UNC5C: variants seen among roughly 807,000 people sequenced by gnomAD.
UNC5C encodes netrin receptor UNC5C.
In UNC5C, 47 loss-of-function variants were observed where a neutral mutation model predicts 99.8. That is an observed-to-expected ratio of 0.47 (90% CI 0.37 to 0.60). The LOEUF is 0.60. Ranked by LOEUF, UNC5C falls within the 20% of genes least tolerant of loss-of-function variation. The pLI is 0.00. For missense variants in UNC5C, 1,062 were observed against 1,165.9 expected, an observed-to-expected ratio of 0.91 and a Z score of 1.30; for synonymous variants, 487 against 452.2, an observed-to-expected ratio of 1.08 and a Z score of -0.98.
At chr4:95,191,021 G>A (rs1019579440) in intron 12 of UNC5C, among the ~76,000 whole-genome samples, 3 of 152,186 alleles carry the variant, frequency 2.0e-5, no homozygotes, top group African/African-American at 7.2e-5. Flanking sequence ...AATCCAGGCT[G>A]TTTTAAAGGC....
chr4:95,260,767 T>A (rs1051422522), intron 4 of UNC5C, among the ~76,000 whole-genome samples: 6 of 152,032 alleles, frequency 3.9e-5, no homozygotes, highest in Middle Eastern at 3.2e-3. Flanking sequence ...AAGAAGAACA[T>A]TTTCCTTGTG....
At chr4:95,303,339 T>C (rs1741942518) in intron 2 of UNC5C, among the ~76,000 whole-genome samples, 1 of 152,200 alleles carries the variant, frequency 6.6e-6, no homozygotes, top group African/African-American at 2.4e-5. Flanking sequence ...GTAATCCCAA[T>C]GCATGCTGAG....
chr4:95,182,842 T>C, intron 14 of UNC5C, 55 bp downstream of exon 14: 1 of 1,556,252 alleles, frequency 6.4e-7, no homozygotes, highest in Non-Finnish European at 8.8e-7. Flanking sequence ...CCACACACTC[T>C]GTCTTCCTGA....
At chr4:95,545,904 A>T (rs1578220282) in intron 1 of UNC5C, among the ~76,000 whole-genome samples, 2 of 152,344 alleles carry the variant, frequency 1.3e-5, no homozygotes, top group African/African-American at 4.8e-5. Context: ...GCATAGCCAG[A>T]AAGGAGAAAG....
intron 1 of UNC5C, among the ~76,000 whole-genome samples, chr4:95,403,715 C>T (rs975263692): frequency 1.3e-5 from 2 of 152,174 alleles, no homozygotes; most frequent in Non-Finnish European, 2.9e-5. Context: ...CACAGTTCTT[C>T]GGTGCTCTGT....
chr4:95,516,156 G>A (rs562975098), intron 1 of UNC5C, among the ~76,000 whole-genome samples: 8 of 152,108 alleles, frequency 5.3e-5, no homozygotes, highest in Admixed American at 5.2e-4. Context: ...TTTTCAGATT[G>A]AATCCTTAAA....
intron 1 of UNC5C, among the ~76,000 whole-genome samples, chr4:95,492,044 TTGTC>T (rs567651287): frequency 1.1e-4 from 16 of 151,398 alleles, no homozygotes; most frequent in African/African-American, 2.7e-4. Context: ...AAAGCTTGCT[TTGTC>T]TGTGTGTGTG....
chr4:95,338,160 C>T (rs1307258923), intron 1 of UNC5C, among the ~76,000 whole-genome samples: 1 of 152,008 alleles, frequency 6.6e-6, no homozygotes, highest in South Asian at 2.1e-4. Context: ...TCTCCACATA[C>T]AAAAATGAGC....
chr4:95,373,075 T>A (rs1189423933), intron 1 of UNC5C, among the ~76,000 whole-genome samples: 1 of 151,992 alleles, frequency 6.6e-6, no homozygotes, highest in Admixed American at 6.6e-5. Context: ...ACCAACAGAG[T>A]CAAAACCACC....
intron 5 of UNC5C, chr4:95,248,096 T>C (rs1415909219): frequency 6.5e-6 from 1 of 153,052 alleles, no homozygotes. Flanking sequence ...AATGACATTT[T>C]TAAAGCAGCA....
chr4:95,429,526 C>A (rs73838826), intron 1 of UNC5C, among the ~76,000 whole-genome samples: 46 of 152,034 alleles, frequency 3.0e-4, no homozygotes, highest in African/African-American at 1.1e-3. Flanking sequence ...TCAAATCCTC[C>A]CACTTTCAAA....
At position 95,448,278 on chromosome 4, in the gene UNC5C, G is replaced by C. The variant is rs1747180031; in HGVS notation, c.124+100456C>G. 2.7e-5 allele frequency among the ~76,000 whole-genome samples: 4 copies of C among 149,976 alleles called. No individual in the cohort carries two copies. In the South Asian group the frequency reaches 8.6e-4, roughly 32 times the overall value. On this transcript the variant is annotated intron_variant, in intron 1 of 15. Coordinates refer to ENST00000453304, the MANE Select transcript of UNC5C (RefSeq NM_003728.4). ...AGAGAGAGAGAAAGCCTGATTTGTGGACACTGTCTTCTGTGGGAAGAACAA... is the reference window on the plus strand; with the variant it reads ...AGAGAGAGAGAAAGCCTGATTTGTGCACACTGTCTTCTGTGGGAAGAACAA...
chr4:95,486,751 C>T (rs995031054), intron 1 of UNC5C, among the ~76,000 whole-genome samples: 2 of 151,698 alleles, frequency 1.3e-5, no homozygotes, highest in African/African-American at 2.4e-5. Flanking sequence ...TCCACCAAGA[C>T]CCTGGCACCC....
chr4:95,527,088 T>A (rs760852150), intron 1 of UNC5C, among the ~76,000 whole-genome samples: 1 of 152,066 alleles, frequency 6.6e-6, no homozygotes, highest in African/African-American at 2.4e-5. Flanking sequence ...TGAGTTAATA[T>A]ACCCATGCAT....
At chr4:95,540,673 G>A (rs1722896503) in intron 1 of UNC5C, among the ~76,000 whole-genome samples, 1 of 152,118 alleles carries the variant, frequency 6.6e-6, no homozygotes, top group African/African-American at 2.4e-5. Flanking sequence ...GTGTATATTT[G>A]CCAAACACTT....
At chr4:95,506,241 T>G (rs1292287854) in intron 1 of UNC5C, among the ~76,000 whole-genome samples, 1 of 152,022 alleles carries the variant, frequency 6.6e-6, no homozygotes, top group Non-Finnish European at 1.5e-5. Context: ...ATCACAAAGT[T>G]GTTGCAGAAT....
intron 1 of UNC5C, among the ~76,000 whole-genome samples, chr4:95,400,881 G>T (rs1393813747): frequency 3.9e-5 from 6 of 152,202 alleles, no homozygotes; most frequent in Non-Finnish European, 5.9e-5. Context: ...ATAATAAATG[G>T]ATGTTTTCAG....
chr4:95,241,294 C>T lies in UNC5C; in HGVS notation c.1108+1135G>A, dbSNP rs115199159. ...GTGCTTTATACACTCAGCAGCAGCCCGTTCTTGGGGAATGCAGTGTACCCT... is the reference window on the plus strand; with the variant it reads ...GTGCTTTATACACTCAGCAGCAGCCTGTTCTTGGGGAATGCAGTGTACCCT... On this transcript the variant is annotated intron_variant, in intron 7 of 15. Coordinates refer to ENST00000453304, the MANE Select transcript of UNC5C (RefSeq NM_003728.4). Among the ~76,000 whole-genome samples the T allele has an allele frequency of 6.0e-3, 916 of 152,174 alleles. 12 individuals are homozygous for T. Among genetic ancestry groups the T allele is most frequent in the African/African-American group, 0.021 (867 of 41,504 alleles).
At chr4:95,545,922 C>T (rs1723048548) in intron 1 of UNC5C, among the ~76,000 whole-genome samples, 1 of 152,168 alleles carries the variant, frequency 6.6e-6, no homozygotes, top group African/African-American at 2.4e-5. Context: ...AAGTTGTTGC[C>T]TACAGCCTAG....
Sources: allele counts gnomAD v4.1 joint callset (sites outside exome capture counted in the v4.1 genomes callset), GRCh38; gene constraint gnomAD v4.1.1; transcripts MANE v1.5; gene names NCBI Gene and HGNC (gene_info 2026-07-23, HGNC 2026-07-21).